The following LYN variants were observed in gnomAD, a reference collection of about 807,000 sequenced individuals.
The protein encoded by LYN is tyrosine-protein kinase Lyn.
In LYN, 12 loss-of-function variants were observed where a neutral mutation model predicts 65.0. That is an observed-to-expected ratio of 0.18 (90% CI 0.12 to 0.30). LYN has a LOEUF of 0.30. LYN is among the 10% of genes least tolerant of loss of function. LYN has a pLI of 1.00. For synonymous variants in LYN, 222 were observed against 221.2 expected (o/e 1.00, Z -0.03); for missense variants, 380 against 623.2 (o/e 0.61, Z 4.16).
At chr8:55,939,923 T>C (rs1422040166) in intron 1 of LYN, among the ~76,000 whole-genome samples, 1 of 152,180 alleles carries the variant, frequency 6.6e-6, no homozygotes, top group East Asian at 1.9e-4. Context: ...TTCCCCTTTA[T>C]TTTGGGAACT....
intron 3 of LYN, 97 bp from the exon 4 acceptor site, chr8:55,947,521 C>G (rs1806813970): frequency 2.4e-6 from 2 of 848,204 alleles, no homozygotes; most frequent in Non-Finnish European, 2.0e-6. Flanking sequence ...CAGTTGCCCC[C>G]TCTTAGTGCT....
At chr8:55,987,055 C>T (rs1233830030) in intron 10 of LYN, among the ~76,000 whole-genome samples, 3 of 152,102 alleles carry the variant, frequency 2.0e-5, no homozygotes, top group Non-Finnish European at 4.4e-5. Flanking sequence ...TTTCTTATTT[C>T]TTTTTGCCTC....
chr8:55,941,067 T>A (rs951450063), intron 1 of LYN, among the ~76,000 whole-genome samples: 1 of 152,162 alleles, frequency 6.6e-6, no homozygotes, highest in Non-Finnish European at 1.5e-5. Context: ...TCATTTCCAG[T>A]CTTGATGAAA....
chr8:55,943,176 G>A (rs148058565), intron 2 of LYN, among the ~76,000 whole-genome samples: 59 of 152,224 alleles, frequency 3.9e-4, no homozygotes, highest in East Asian at 3.7e-3. Context: ...CTTCATTTCC[G>A]AGCTTATATC....
At chr8:55,898,314 A>T (rs1805175392) in intron 1 of LYN, among the ~76,000 whole-genome samples, 1 of 152,078 alleles carries the variant, frequency 6.6e-6, no homozygotes, top group African/African-American at 2.4e-5. Context: ...TTTGAGACAG[A>T]GTCTCCCTCT....
At chr8:55,892,547 T>A (rs576246376) in intron 1 of LYN, among the ~76,000 whole-genome samples, 2 of 152,302 alleles carry the variant, frequency 1.3e-5, no homozygotes, top group Non-Finnish European at 2.9e-5. Flanking sequence ...TAAGAAAGTA[T>A]CTTTCTTTTT....
chr8:55,913,214 A>T (rs1286165145), intron 1 of LYN, among the ~76,000 whole-genome samples: 1 of 152,218 alleles, frequency 6.6e-6, no homozygotes, highest in Admixed American at 6.5e-5. Flanking sequence ...AGATTTTACC[A>T]AATAATTCAC....
chr8:55,904,929 A>C (rs571311970), intron 1 of LYN, among the ~76,000 whole-genome samples: 2 of 152,170 alleles, frequency 1.3e-5, no homozygotes, highest in African/African-American at 4.8e-5. Context: ...CTGGCTGCTC[A>C]TTAGAATCAA....
rs11424283 is a variant in LYN, at chr8:55,902,331, CT to C, written c.-6+22242del. ...CCGTAACAGTGTACTTTCTTTCTTT[CT>C]TTTTTTTTTTTTTGAGATGGAATTT... is the stretch of plus-strand genomic sequence containing the variant. On this transcript the variant is annotated intron_variant, in intron 1 of 12. Transcript: ENST00000519728. 3.0e-4 allele frequency among the ~76,000 whole-genome samples: 40 copies of C among 134,116 alleles called. No homozygotes were observed. The South Asian group carries it at 3.2e-3, about 11-fold the overall frequency. 88.0% of individuals were successfully genotyped at this position (134,116 alleles called of 152,430 possible).
chr8:55,973,982 A>G (rs1479589985), intron 10 of LYN, among the ~76,000 whole-genome samples: 4 of 152,246 alleles, frequency 2.6e-5, no homozygotes, highest in Non-Finnish European at 4.4e-5. Context: ...CATGGCAACA[A>G]GTAACATTTA....
chr8:55,990,100 A>G (rs1203186822), intron 10 of LYN, among the ~76,000 whole-genome samples: 1 of 152,028 alleles, frequency 6.6e-6, no homozygotes, highest in Non-Finnish European at 1.5e-5. Context: ...TTAGCCAGGC[A>G]TGGTGGCGGA....
intron 8 of LYN, among the ~76,000 whole-genome samples, chr8:55,964,233 T>C (rs1306242644): frequency 1.1e-4 from 16 of 152,128 alleles, no homozygotes; most frequent in Admixed American, 1.0e-3. Flanking sequence ...CTTTTCTTTT[T>C]TTGTTTTGTT....
At position 55,962,942 on chromosome 8, in the gene LYN, C is replaced by T. The variant is rs907065317; in HGVS notation, c.791-3773C>T. On this transcript the variant is annotated intron_variant, in intron 8 of 12. Coordinates refer to ENST00000519728, the MANE Select transcript of LYN (RefSeq NM_002350.4). The stretch of plus-strand genomic sequence containing the variant: ...GAGAGTGACCAGAAGAGGTGCCATG[C>T]TTTTAGACAACCAGCTCTCTTGTGA... 3.2e-4 allele frequency among the ~76,000 whole-genome samples: 48 copies of T among 152,172 alleles called. 1 individual carries two copies. Among genetic ancestry groups the T allele is most frequent in the African/African-American group, 2.4e-5 (1 of 41,420 alleles).
At chr8:55,880,767 A>G (rs1804632640) in intron 1 of LYN, among the ~76,000 whole-genome samples, 1 of 152,130 alleles carries the variant, frequency 6.6e-6, no homozygotes, top group South Asian at 2.1e-4. Context: ...AGAGGAAGCG[A>G]GAGTTATTTT....
At chr8:55,909,054 C>CT (rs1554575812) in intron 1 of LYN, among the ~76,000 whole-genome samples, 1 of 94,384 alleles carries the variant, frequency 1.1e-5, no homozygotes, top group African/African-American at 4.1e-5. Flanking sequence ...CACACACACC[C>CT]CACATTTTCT....
intron 12 of LYN, among the ~76,000 whole-genome samples, chr8:56,003,928 CTTTTTT>C (rs1213079280): frequency 2.9e-5 from 3 of 104,700 alleles, no homozygotes; most frequent in Non-Finnish European, 5.8e-5. Flanking sequence ...ATATTTTATT[CTTTTTT>C]TTTTTTTTTT....
chr8:55,912,696 C>T (rs1805672001), intron 1 of LYN, among the ~76,000 whole-genome samples: 1 of 149,620 alleles, frequency 6.7e-6, no homozygotes, highest in Non-Finnish European at 1.5e-5. Context: ...CACTGCATTC[C>T]AGTCTGGGTG....
chr8:55,888,132 T>C (rs16922309), intron 1 of LYN, among the ~76,000 whole-genome samples: 11,022 of 152,268 alleles, frequency 0.072, 595 homozygotes, highest in African/African-American at 0.15. Context: ...TGTTTAGTAT[T>C]CAGTTTAGCA....
intron 12 of LYN, among the ~76,000 whole-genome samples, chr8:56,006,266 G>T (rs1265738101): frequency 6.6e-6 from 1 of 151,564 alleles, no homozygotes; most frequent in Non-Finnish European, 1.5e-5. Flanking sequence ...AATTTGTCCT[G>T]CTGCAAACAA....
Sources: gnomAD v4.1 joint callset for allele counts (sites outside exome capture counted in the v4.1 genomes callset) on GRCh38, gnomAD v4.1.1 for gene constraint, MANE v1.5 for transcripts, NCBI Gene and HGNC (gene_info 2026-07-23, HGNC 2026-07-21) for gene names.